Variants in EEF2K observed in about 807,000 individuals in gnomAD.
The protein encoded by EEF2K is alternative protein EEF2K.
A neutral mutation model predicts 93.8 loss-of-function variants in EEF2K; 70 were observed. The observed-to-expected ratio is 0.75, with a 90% CI of 0.62 to 0.91. EEF2K has a LOEUF of 0.91. Ranked by LOEUF, EEF2K falls within the 40% of genes least tolerant of loss-of-function variation. The pLI is 0.00. For missense variants in EEF2K, 935 were observed against 972.9 expected (o/e 0.96, Z 0.52); for synonymous variants, 376 against 380.8 (o/e 0.99, Z 0.15).
At chr16:22,215,575 G>GT (rs2046950906) in intron 1 of EEF2K, among the ~76,000 whole-genome samples, 1 of 152,196 alleles carries the variant, frequency 6.6e-6, no homozygotes, top group African/African-American at 2.4e-5. Context: ...AGACACTGAT[G>GT]TGAACTCTTA....
intron 16 of EEF2K, among the ~76,000 whole-genome samples, chr16:22,279,576 C>T (rs1003254109): frequency 4.6e-5 from 7 of 152,064 alleles, no homozygotes; most frequent in Non-Finnish European, 1.0e-4. Flanking sequence ...TCTTTATACT[C>T]TTTTAGTTAT....
chr16:22,258,028 G>C, intron 9 of EEF2K, among the ~76,000 whole-genome samples: 1 of 152,160 alleles, frequency 6.6e-6, no homozygotes, highest in East Asian at 1.9e-4. Flanking sequence ...AGGGGAACAG[G>C]CACGTGGAGA....
rs1345489693 is a variant in EEF2K, at chr16:22,206,418, C to G, written c.-338C>G. ...TCCCCCCTGGCACGCGCTCCCACATCCCGGGATCGTCCCAACGGCCCCTGC... is the reference window on the plus strand; with the variant it reads ...TCCCCCCTGGCACGCGCTCCCACATGCCGGGATCGTCCCAACGGCCCCTGC... On this transcript the variant is annotated 5_prime_UTR_variant, in exon 1 of 18. In the 5' UTR this introduces an upstream ATG that the reference lacks. Coordinates refer to ENST00000263026, the MANE Select transcript of EEF2K (RefSeq NM_013302.5). 6.5e-6 allele frequency: 1 copy of G among 152,698 alleles called. No individual in the cohort carries two copies. Among genetic ancestry groups the G allele is most frequent in the Non-Finnish European group, 1.5e-5 (1 of 68,434 alleles). 9.5% of individuals were successfully genotyped at this position (152,698 alleles called of 1,614,324 possible).
chr16:22,265,136 TC>T (rs1159661975), intron 13 of EEF2K: 2 of 424,988 alleles, frequency 4.7e-6, no homozygotes, highest in Non-Finnish European at 8.6e-6. Flanking sequence ...CAGGGACAGC[TC>T]CTGTCTTAAG....
intron 12 of EEF2K, among the ~76,000 whole-genome samples, chr16:22,263,980 T>A (rs2047491838): frequency 6.6e-6 from 1 of 152,084 alleles, no homozygotes; most frequent in Non-Finnish European, 1.5e-5. Context: ...ACCTCTGATC[T>A]CAGCTTTATG....
chr16:22,230,369 A>G (rs1156307596), intron 2 of EEF2K, among the ~76,000 whole-genome samples: 2 of 152,004 alleles, frequency 1.3e-5, no homozygotes, highest in Non-Finnish European at 2.9e-5. Flanking sequence ...GCACGCCACT[A>G]TGCCCTGCTA....
Position 22,257,405 on chromosome 16 carries a change from C to T in EEF2K, c.901+20C>T, listed in dbSNP as rs780976536. On this transcript the variant is annotated intron_variant, in intron 8 of 17. Coordinates refer to ENST00000263026, the MANE Select transcript of EEF2K (RefSeq NM_013302.5). Reference sequence around the variant, plus strand: ...ACCTAGGTACGTGGGGAAAGCCAGCCTGTTTCTGCAGAAACCACGCTCCCT... The same window carrying T: ...ACCTAGGTACGTGGGGAAAGCCAGCTTGTTTCTGCAGAAACCACGCTCCCT... 1 of 1,611,326 alleles carries T rather than the reference C, an allele frequency of 6.2e-7. No homozygotes were observed. The highest frequency in any genetic ancestry group is 8.5e-7 in the Non-Finnish European group (1 of 1,179,010).
rs1396826206 is a variant in EEF2K, at chr16:22,260,540, A to AGG, written c.1299+13_1299+14dup. ...CTAGACAACCACCGGGTGAGTGTGA[A>AGG]GGGAGGGAGGCTGCAGGCTTCAGAC... is the stretch of plus-strand genomic sequence containing the variant. On this transcript the variant is annotated intron_variant, in intron 11 of 17. Coordinates refer to ENST00000263026, the MANE Select transcript of EEF2K (RefSeq NM_013302.5). 1 of 1,613,972 alleles carries AGG rather than the reference A, an allele frequency of 6.2e-7. No individual in the cohort carries two copies. The highest frequency in any genetic ancestry group is 8.5e-7 in the Non-Finnish European group (1 of 1,180,012).
At chr16:22,257,196 C>A in intron 7 of EEF2K, 57 bp from the exon 8 acceptor site, 1 of 1,612,134 alleles carries the variant, frequency 6.2e-7, no homozygotes, top group Non-Finnish European at 8.5e-7. Flanking sequence ...GTGGCCAGTG[C>A]CTGCACAGAC....
intron 4 of EEF2K, 71 bp from the exon 5 acceptor site, chr16:22,250,583 G>A (rs2047339757): frequency 1.3e-6 from 2 of 1,595,880 alleles, no homozygotes; most frequent in Non-Finnish European, 8.6e-7. Context: ...TGTAAGGGGA[G>A]CACCTCCTGT....
intron 2 of EEF2K, among the ~76,000 whole-genome samples, chr16:22,243,611 G>C (rs371379466): frequency 1.3e-5 from 2 of 151,668 alleles, no homozygotes; most frequent in Non-Finnish European, 2.9e-5. Context: ...CCTGATATCC[G>C]GGCCAGCACT....
intron 16 of EEF2K, among the ~76,000 whole-genome samples, chr16:22,279,742 C>G (rs1326684214): frequency 6.6e-6 from 1 of 152,108 alleles, no homozygotes; most frequent in Non-Finnish European, 1.5e-5. Flanking sequence ...TGCCTGTAAT[C>G]TCAGCACTTT....
intron 15 of EEF2K, among the ~76,000 whole-genome samples, chr16:22,272,298 G>A (rs774912893): frequency 5.3e-5 from 8 of 152,178 alleles, no homozygotes; most frequent in Non-Finnish European, 1.0e-4. Context: ...GTCAGTGGAT[G>A]AATGGATAAA....
intron 11 of EEF2K, 50 bp from the exon 12 acceptor site, chr16:22,263,060 C>A (rs1486452927): frequency 6.4e-7 from 1 of 1,569,666 alleles, no homozygotes; most frequent in Non-Finnish European, 8.7e-7. Flanking sequence ...ATAACCATTT[C>A]CAGGTGCTCA....
chr16:22,282,411 C>A (rs1180442405), intron 17 of EEF2K, among the ~76,000 whole-genome samples: 4 of 152,182 alleles, frequency 2.6e-5, no homozygotes, highest in Admixed American at 6.5e-5. Flanking sequence ...GATTAGGGCC[C>A]TACCCTTATG....
At chr16:22,252,540 T>C (rs549092800) in intron 6 of EEF2K, among the ~76,000 whole-genome samples, 7 of 152,288 alleles carry the variant, frequency 4.6e-5, no homozygotes, top group African/African-American at 1.7e-4. Context: ...AATATGCAGA[T>C]TGGGCACACC....
Position 22,225,914 on chromosome 16 carries a change from A to G in EEF2K, c.185A>G (p.Asn62Ser), listed in dbSNP as rs760074606. 4 of 1,614,154 alleles carry G rather than the reference A, an allele frequency of 2.5e-6. No individual in the cohort carries two copies. The highest frequency in any genetic ancestry group is 1.7e-4 in the Middle Eastern group (1 of 6,060). ...TCCAAGGTTAATAAGTACTACAGCA[A>G]CCTAACAAAAAGTGAGCGGTATAGC... is the stretch of plus-strand genomic sequence containing the variant. ...VNSKVNKYYS[N>S]LTKSERYSSS... Residue 62 changes from asparagine to serine, a missense_variant, in exon 2 of 18, where the codon AAC becomes AGC. Asn to Ser is a conservative substitution (Grantham distance 46). Transcript: ENST00000263026.
chr16:22,236,193 C>T (rs1346461978), intron 2 of EEF2K, among the ~76,000 whole-genome samples: 3 of 152,192 alleles, frequency 2.0e-5, no homozygotes, highest in African/African-American at 7.2e-5. Context: ...GGCCTCTACA[C>T]ACCACTGTTG....
intron 2 of EEF2K, among the ~76,000 whole-genome samples, chr16:22,228,047 T>C (rs2047081266): frequency 8.2e-6 from 1 of 122,316 alleles, no homozygotes; most frequent in Non-Finnish European, 1.6e-5. Flanking sequence ...GGAGTCTCAC[T>C]CTGTCGCCCA....
Sources: gnomAD v4.1 joint callset for allele counts (sites outside exome capture counted in the v4.1 genomes callset) on GRCh38, gnomAD v4.1.1 for gene constraint, MANE v1.5 for transcripts, NCBI Gene and HGNC (gene_info 2026-07-23, HGNC 2026-07-21) for gene names.